Variants in LRMDA observed in about 807,000 individuals in gnomAD.
LRMDA encodes leucine-rich melanocyte differentiation-associated protein.
Under a neutral mutation model 29.8 loss-of-function variants are expected in LRMDA, and 18 were observed. That is an observed-to-expected ratio of 0.60 (90% CI 0.42 to 0.90). The LOEUF (loss-of-function observed/expected upper bound fraction) is 0.90. LRMDA is among the 40% of genes least tolerant of loss of function. LRMDA has a pLI of 0.00. For synonymous variants in LRMDA, 125 were observed against 109.4 expected (o/e 1.14, Z -0.89); for missense variants, 273 against 273.9 (o/e 1.00, Z 0.02).
chr10:76,084,718 A>C (rs74677755), intron 5 of LRMDA, among the ~76,000 whole-genome samples: 74 of 152,300 alleles, frequency 4.9e-4, no homozygotes, highest in African/African-American at 1.7e-3. Flanking sequence ...GTTAGTAAAA[A>C]TTAGCCACTG....
chr10:75,589,777 T>TATAG (rs1190701077), intron 2 of LRMDA, among the ~76,000 whole-genome samples: 53 of 135,566 alleles, frequency 3.9e-4, no homozygotes, highest in South Asian at 3.0e-3. Context: ...TATATATATA[T>TATAG]AGAGAGAGAG....
In LRMDA at chr10:75,822,715, C is replaced by T. The variant is rs1844183026; in HGVS notation, c.132-213293C>T. Among the ~76,000 whole-genome samples, 3 of 152,098 alleles carry T rather than the reference C, an allele frequency of 2.0e-5. 1 individual carries two copies. In the South Asian group the frequency reaches 6.2e-4, roughly 32 times the overall value. ...AAAAAATATACTCTGGGGGAAAGGA[C>T]ACCTTATTCAGTATAATTTTTTTTT... On this transcript the variant is annotated intron_variant, in intron 2 of 6. Transcript: ENST00000611255.
At chr10:75,433,542 T>TTTTGTTTGTTTGTTTG (rs556877972) in intron 1 of LRMDA, among the ~76,000 whole-genome samples, 8 of 152,062 alleles carry the variant, frequency 5.3e-5, no homozygotes, top group Non-Finnish European at 7.4e-5. Context: ...GAGGTGGTTT[T>TTTTGTTTGTTTGTTTG]TTTGTTTGTT....
intron 2 of LRMDA, among the ~76,000 whole-genome samples, chr10:75,714,947 G>C (rs979314671): frequency 6.8e-6 from 1 of 146,424 alleles, no homozygotes; most frequent in Non-Finnish European, 1.5e-5. Flanking sequence ...CTTCTCACAC[G>C]TAGAGCCATG....
intron 2 of LRMDA, among the ~76,000 whole-genome samples, chr10:75,484,485 G>A (rs1173057615): frequency 6.6e-6 from 1 of 152,138 alleles, no homozygotes; most frequent in Admixed American, 6.6e-5. Flanking sequence ...TTTCATAAGA[G>A]CAATTGGCAG....
At chr10:75,488,927 G>A (rs779845428) in intron 2 of LRMDA, among the ~76,000 whole-genome samples, 7 of 152,042 alleles carry the variant, frequency 4.6e-5, no homozygotes, top group Non-Finnish European at 7.4e-5. Flanking sequence ...CTTTCCCTTC[G>A]TGGGAACCAA....
chr10:76,161,054 A>G (rs187581648), intron 5 of LRMDA, among the ~76,000 whole-genome samples: 1 of 152,296 alleles, frequency 6.6e-6, no homozygotes, highest in East Asian at 1.9e-4. Context: ...AGAAAAGACT[A>G]AAAAATAAAC....
chr10:76,062,488 A>T lies in LRMDA; in HGVS notation c.516+3705A>T, dbSNP rs374987003. On this transcript the variant is annotated intron_variant, in intron 5 of 6. Transcript: ENST00000611255. ...CGCTGGCGCTTGAGTGCAAGTCCTCACTCCCTTTCTCCCATGATGACACAT... is the reference window on the plus strand; with the variant it reads ...CGCTGGCGCTTGAGTGCAAGTCCTCTCTCCCTTTCTCCCATGATGACACAT... 1.2e-3 allele frequency among the ~76,000 whole-genome samples: 175 copies of T among 151,856 alleles called. 4 individuals carry two copies. In the South Asian group the frequency reaches 0.033, roughly 29 times the overall value.
At chr10:75,451,973 T>C (rs1844467341) in intron 2 of LRMDA, among the ~76,000 whole-genome samples, 1 of 151,896 alleles carries the variant, frequency 6.6e-6, no homozygotes, top group Non-Finnish European at 1.5e-5. Flanking sequence ...CATTTGGGGG[T>C]TATATGTGCA....
At chr10:76,137,772 CA>C (rs36038656) in intron 5 of LRMDA, among the ~76,000 whole-genome samples, 22,116 of 121,904 alleles carry the variant, frequency 0.18, 1,751 homozygotes, top group Non-Finnish European at 0.21. Flanking sequence ...GTCCCTATGG[CA>C]AAAAAAAAAA....
chr10:76,115,826 G>A (rs767635398), intron 5 of LRMDA, among the ~76,000 whole-genome samples: 1 of 152,114 alleles, frequency 6.6e-6, no homozygotes, highest in Non-Finnish European at 1.5e-5. Context: ...ACTCCTAAGG[G>A]GGACTGGAGT....
At chr10:76,365,808 A>G (rs6480808) in intron 6 of LRMDA, among the ~76,000 whole-genome samples, 139,458 of 152,254 alleles carry the variant, frequency 0.92, 64,552 homozygotes, top group Non-Finnish European at 0.96. Context: ...TCTTGGTCAT[A>G]AAATCCTTGC....
At chr10:76,142,956 C>T (rs1439984009) in intron 5 of LRMDA, among the ~76,000 whole-genome samples, 1 of 149,594 alleles carries the variant, frequency 6.7e-6, no homozygotes, top group African/African-American at 2.6e-5. Flanking sequence ...GTTTTTTGTC[C>T]TTGCGATAGT....
At chr10:75,478,733 G>T (rs570510967) in intron 2 of LRMDA, among the ~76,000 whole-genome samples, 1 of 152,116 alleles carries the variant, frequency 6.6e-6, no homozygotes, top group East Asian at 1.9e-4. Context: ...AAGGATTTCC[G>T]TGGAAATTGG....
At chr10:76,119,290 C>T (rs1849729065) in intron 5 of LRMDA, among the ~76,000 whole-genome samples, 1 of 151,924 alleles carries the variant, frequency 6.6e-6, no homozygotes, top group Non-Finnish European at 1.5e-5. Context: ...AGCCAAGGCT[C>T]CTCACACTTA....
intron 4 of LRMDA, among the ~76,000 whole-genome samples, chr10:76,055,852 G>T (rs1263351952): frequency 6.6e-6 from 1 of 152,206 alleles, no homozygotes; most frequent in African/African-American, 2.4e-5. Context: ...CCCAAAGAGG[G>T]TGTCACAGCC....
chr10:76,001,708 T>C (rs759641966), intron 2 of LRMDA, among the ~76,000 whole-genome samples: 10 of 152,196 alleles, frequency 6.6e-5, no homozygotes, highest in Non-Finnish European at 1.0e-4. Flanking sequence ...TTTAGAGCCA[T>C]TTATTTTCAG....
intron 6 of LRMDA, among the ~76,000 whole-genome samples, chr10:76,549,247 G>T (rs528366198): frequency 3.3e-4 from 50 of 152,198 alleles, no homozygotes; most frequent in African/African-American, 1.2e-3. Context: ...GGTCTGGGAG[G>T]CTAGCCCCAC....
At chr10:75,761,644 A>T (rs1843096407) in intron 2 of LRMDA, among the ~76,000 whole-genome samples, 1 of 152,182 alleles carries the variant, frequency 6.6e-6, no homozygotes, top group South Asian at 2.1e-4. Context: ...GAATGTACTT[A>T]ATGCTACTGA....
Sources: allele counts gnomAD v4.1 joint callset (sites outside exome capture counted in the v4.1 genomes callset), GRCh38; gene constraint gnomAD v4.1.1; transcripts MANE v1.5; gene names NCBI Gene and HGNC (gene_info 2026-07-23, HGNC 2026-07-21).